The following RALGAPB variants were observed in gnomAD, a reference collection of about 807,000 sequenced individuals.
RALGAPB encodes the protein ral GTPase-activating protein subunit beta.
A neutral mutation model predicts 161.1 loss-of-function variants in RALGAPB; 25 were observed. That is an observed-to-expected ratio of 0.16 (90% confidence interval 0.11 to 0.22). RALGAPB has a LOEUF of 0.22. RALGAPB is among the 10% of genes least tolerant of loss of function. RALGAPB has a pLI of 1.00. For missense variants in RALGAPB, 1,391 were observed against 1,815.2 expected, an observed-to-expected ratio of 0.77 and a Z score of 4.25; for synonymous variants, 629 against 626.1, an observed-to-expected ratio of 1.00 and a Z score of -0.07.
chr20:38,520,524 CTTTTTTTTT>C (rs775371608), intron 9 of RALGAPB, among the ~76,000 whole-genome samples: 1 of 70,324 alleles, frequency 1.4e-5, no homozygotes, highest in East Asian at 4.1e-4. Context: ...TGTGTTTTGG[CTTTTTTTTT>C]TTTTTTTTTT....
In RALGAPB at chr20:38,569,963, T is replaced by G; in HGVS notation, c.4030T>G (p.Ser1344Ala). The stretch of plus-strand genomic sequence containing the variant: ...TCCCCTTGGACCTGAGACAAGAGTT[T>G]CTGTAGTCTGGGTGGAACGCTATGA... Reference protein sequence around the residue: ...VPPLGPETRVSVVWVERYDDI... With the variant: ...VPPLGPETRVAVVWVERYDDI... Residue 1344 changes from serine (S) to alanine (A), a missense_variant, in exon 27 of 30, where the codon TCT (serine) becomes GCT (alanine). By Grantham distance (99) the Ser-to-Ala change is moderately conservative. Transcript: ENST00000262879. 6.2e-7 allele frequency: 1 copy of G among 1,613,638 alleles called. No homozygotes were observed. The highest frequency in any genetic ancestry group is 8.5e-7 in the Non-Finnish European group (1 of 1,179,658).
intron 13 of RALGAPB, among the ~76,000 whole-genome samples, chr20:38,528,943 A>G (rs1470420291): frequency 2.0e-5 from 3 of 152,130 alleles, no homozygotes; most frequent in Non-Finnish European, 4.4e-5. Context: ...TACCCTTCCA[A>G]AGTGCTGGGA....
chr20:38,510,643 G>T (rs1265277760), intron 6 of RALGAPB, among the ~76,000 whole-genome samples: 1 of 120,146 alleles, frequency 8.3e-6, no homozygotes, highest in Non-Finnish European at 1.5e-5. Flanking sequence ...GGGCGCGGTG[G>T]CTCACGCCTG....
intron 6 of RALGAPB, among the ~76,000 whole-genome samples, chr20:38,515,852 G>C (rs1435552742): frequency 6.6e-6 from 1 of 151,980 alleles, no homozygotes; most frequent in South Asian, 2.1e-4. Flanking sequence ...ATCTGCCTCA[G>C]CCTTCCAAGT....
At chr20:38,510,136 A>G (rs1441411692) in intron 6 of RALGAPB, among the ~76,000 whole-genome samples, 2 of 84,858 alleles carry the variant, frequency 2.4e-5, no homozygotes, top group Non-Finnish European at 3.9e-5. Context: ...GCACATACAC[A>G]CACACACACA....
rs138174388 is a variant in RALGAPB, at chr20:38,502,325, A to G, written c.740+2692A>G. ...TATTTTTCGTCATATTTAATTTACA[A>G]TACTGTAAACCTGGAATAAGTAATA... On this transcript the variant is annotated intron_variant, in intron 5 of 29. Coordinates refer to ENST00000262879, the MANE Select transcript of RALGAPB (RefSeq NM_020336.4). Among the ~76,000 whole-genome samples the G allele has an allele frequency of 9.8e-5, 15 of 152,358 alleles. No individual in the cohort carries two copies. In the East Asian group the frequency reaches 2.7e-3, roughly 27 times the overall value.
intron 28 of RALGAPB, chr20:38,573,560 C>T (rs1002527926): frequency 3.3e-5 from 5 of 152,156 alleles, no homozygotes; most frequent in African/African-American, 1.2e-4. Context: ...TTGGCCCTGC[C>T]ACAGTGCGGC....
intron 5 of RALGAPB, among the ~76,000 whole-genome samples, chr20:38,503,820 A>AT (rs147489978): frequency 0.01 from 1,589 of 152,244 alleles, 22 homozygotes; most frequent in African/African-American, 0.036. Context: ...TTGTTGTCTT[A>AT]TTTTTAAAAA....
At chr20:38,519,068 T>C (rs2086215258) in intron 9 of RALGAPB, among the ~76,000 whole-genome samples, 1 of 152,230 alleles carries the variant, frequency 6.6e-6, no homozygotes, top group South Asian at 2.1e-4. Context: ...AAATCTTTAA[T>C]TTAGAAAAGT....
At chr20:38,557,685 C>A (rs567785808) in intron 22 of RALGAPB, among the ~76,000 whole-genome samples, 1 of 152,206 alleles carries the variant, frequency 6.6e-6, no homozygotes, top group African/African-American at 2.4e-5. Flanking sequence ...ATTCAGTATG[C>A]ATTTAATGTG....
intron 10 of RALGAPB, among the ~76,000 whole-genome samples, chr20:38,523,947 A>G (rs1348601649): frequency 6.6e-6 from 1 of 152,230 alleles, no homozygotes; most frequent in Non-Finnish European, 1.5e-5. Flanking sequence ...TCGAGAGCCC[A>G]TTGGTTATTT....
At position 38,521,527 on chromosome 20, in the gene RALGAPB, G is replaced by A. The variant is rs778406373; in HGVS notation, c.1448G>A (p.Arg483Gln). Reference sequence around the variant, plus strand: ...ACAACACAAGCTAGCATGGAGTTTCGACGGAAAGGGTCACAAATGTCCACA... The same window carrying A: ...ACAACACAAGCTAGCATGGAGTTTCAACGGAAAGGGTCACAAATGTCCACA... ...AITTQASMEF[R>Q]RKGSQMSTDT... is the part of the protein sequence containing the mutation. The change falls in exon 10 of 30, where the codon CGA (arginine) becomes CAA (glutamine). Residue 483 changes from arginine to glutamine, a missense_variant. Physicochemically the swap from Arg to Gln is conservative, Grantham distance 43 (BLOSUM62 1). Transcript: ENST00000262879. 8.6e-5 allele frequency: 138 copies of A among 1,613,878 alleles called. 1 individual carries two copies. The highest frequency in any genetic ancestry group is 1.1e-4 in the Non-Finnish European group (131 of 1,179,986).
At chr20:38,530,572 A>G (rs779423511) in intron 13 of RALGAPB, among the ~76,000 whole-genome samples, 4 of 148,714 alleles carry the variant, frequency 2.7e-5, no homozygotes. Flanking sequence ...TTAACTTTTT[A>G]TACTTTTTTA....
intron 27 of RALGAPB, 62 bp downstream of exon 27, chr20:38,570,058 G>A: frequency 7.2e-7 from 1 of 1,389,886 alleles, no homozygotes; most frequent in Non-Finnish European, 1.0e-6. Flanking sequence ...CTTGCTAAAT[G>A]TCTACAGGGA....
chr20:38,489,115 A>G (rs1265559330), intron 2 of RALGAPB, among the ~76,000 whole-genome samples: 1 of 152,152 alleles, frequency 6.6e-6, no homozygotes, highest in Non-Finnish European at 1.5e-5. Flanking sequence ...TTCCAGGTTT[A>G]AGAGTGCTGC....
At position 38,497,516 on chromosome 20, in the gene RALGAPB, GGTTT is replaced by G; in HGVS notation, c.553+5_553+8del. The G allele has an allele frequency of 6.3e-7, 1 of 1,591,674 alleles. No homozygotes were observed. Among genetic ancestry groups the G allele is most frequent in the Non-Finnish European group, 8.5e-7 (1 of 1,174,082 alleles). On this transcript the variant is annotated splice_donor_variant and splice_donor_region_variant and intron_variant, in intron 4 of 29. Transcript: ENST00000262879. LOFTEE classifies it high-confidence loss of function. ...ACTTCTGGCCCCACCAACTGTTCAA[GGTTT>G]GTTTATTTTTTTTTTTCTAATTTAT...
intron 18 of RALGAPB, 108 bp downstream of exon 18, chr20:38,541,300 C>A: frequency 1.9e-6 from 2 of 1,077,840 alleles, no homozygotes; most frequent in South Asian, 3.1e-5. Context: ...TGATGCAGCC[C>A]CTTTAGAATA....
At chr20:38,500,772 T>C (rs1041376362) in intron 5 of RALGAPB, among the ~76,000 whole-genome samples, 9 of 152,182 alleles carry the variant, frequency 5.9e-5, no homozygotes, top group African/African-American at 2.2e-4. Flanking sequence ...AAATTAAACA[T>C]GCTACACCAC....
intron 21 of RALGAPB, among the ~76,000 whole-genome samples, chr20:38,551,545 T>C (rs1008609792): frequency 1.3e-5 from 2 of 152,194 alleles, no homozygotes; most frequent in Admixed American, 6.5e-5. Context: ...TCTAAGTCTT[T>C]ATAAGAAAGG....
Sources: gnomAD v4.1 joint callset for allele counts (sites outside exome capture counted in the v4.1 genomes callset) on GRCh38, gnomAD v4.1.1 for gene constraint, MANE v1.5 for transcripts, NCBI Gene and HGNC (gene_info 2026-07-23, HGNC 2026-07-21) for gene names.